RBM19: variants seen among roughly 807,000 people sequenced by gnomAD.
The protein encoded by RBM19 is RNA binding motif protein 19.
RBM19 carries 94 observed loss-of-function variants against 116.8 expected under a neutral mutation model. The observed-to-expected ratio is 0.80, with a 90% CI of 0.68 to 0.95. The LOEUF (loss-of-function observed/expected upper bound fraction) is 0.95, where lower values mean the gene tolerates loss of function less well. Ranked by LOEUF, RBM19 falls within the 40% of genes least tolerant of loss-of-function variation. RBM19 has a pLI of 0.00. For missense variants in RBM19, 1,161 were observed against 1,220.7 expected (o/e 0.95, Z 0.73); for synonymous variants, 475 against 494.1 (o/e 0.96, Z 0.51).
At chr12:113,935,306 CA>C (rs769482695) in intron 16 of RBM19, among the ~76,000 whole-genome samples, 2,848 of 130,324 alleles carry the variant, frequency 0.022, 39 homozygotes, top group African/African-American at 0.037. Context: ...CGCTTTGGGC[CA>C]AAAAAAAAAA....
chr12:113,923,157 C>G (rs1452232932), intron 18 of RBM19, among the ~76,000 whole-genome samples: 1 of 152,118 alleles, frequency 6.6e-6, no homozygotes, highest in African/African-American at 2.4e-5. Flanking sequence ...AAATTAAATG[C>G]AGTCATTAGG....
rs1195978950 is a variant in RBM19 at position 113,898,335 on chromosome 12, C to G, written c.2558+16634G>C. 6.6e-6 allele frequency among the ~76,000 whole-genome samples: 1 copy of G among 152,118 alleles called. No individual in the cohort carries two copies. Among genetic ancestry groups the G allele is most frequent in the Admixed American group, 6.5e-5 (1 of 15,274 alleles). On this transcript the variant is annotated intron_variant, in intron 21 of 23. Transcript: ENST00000261741. This position sits in a 1 kb window ranked among gnomAD's most constrained non-coding sequence, Gnocchi z 4.3. ...TAGAACCGTGAAGAGATTTCAGTGCCTGTACTGGACTTCAGGGACAGGCAA... is the reference window on the plus strand; with the variant it reads ...TAGAACCGTGAAGAGATTTCAGTGCGTGTACTGGACTTCAGGGACAGGCAA...
intron 1 of RBM19, 30 bp downstream of exon 1, chr12:113,966,162 C>G: frequency 6.2e-7 from 1 of 1,614,222 alleles, no homozygotes; most frequent in Non-Finnish European, 8.5e-7. Context: ...GGTCTCATTT[C>G]AGATTCCCAA....
rs751289061 is a variant in RBM19 at position 113,947,457 on chromosome 12, CAG to C, written c.1282_1283del (p.Leu428ValfsTer2). 3 of 1,600,612 alleles carry C rather than the reference CAG, an allele frequency of 1.9e-6. No homozygotes were observed. The highest frequency in any genetic ancestry group is 2.6e-6 in the Non-Finnish European group (3 of 1,169,114). ...LEKLFSKYGP[L>X]SELHYPIDSL... ...TGTCGATGGGGTAGTGGAGCTCAGA[CAG>C]GGGACCTGAGGACAGGAGAAGTGTC... On this transcript the variant is annotated frameshift_variant, in exon 11 of 24. Transcript: ENST00000261741. LOFTEE classifies it high-confidence loss of function.
Position 113,955,117 on chromosome 12 carries a change from C to T in RBM19, c.921+14G>A. 9 of 1,613,598 alleles carry T rather than the reference C, an allele frequency of 5.6e-6. No individual in the cohort carries two copies. The highest frequency in any genetic ancestry group is 7.6e-6 in the Non-Finnish European group (9 of 1,179,726). On this transcript the variant is annotated intron_variant, in intron 7 of 23. Coordinates refer to ENST00000261741, the MANE Select transcript of RBM19 (RefSeq NM_016196.4). Reference sequence around the variant, plus strand: ...CCCGCAGGCTGCCGACCCTTGTCCTCAGTTAGCACATACCTCTGTGACATT... The same window carrying T: ...CCCGCAGGCTGCCGACCCTTGTCCTTAGTTAGCACATACCTCTGTGACATT...
At chr12:113,877,629 T>C (rs1358880368) in intron 21 of RBM19, among the ~76,000 whole-genome samples, 1 of 152,154 alleles carries the variant, frequency 6.6e-6, no homozygotes, top group African/African-American at 2.4e-5. Context: ...AAAAAGGAAG[T>C]GCTGAAGGGA....
rs1452163033 is a variant in RBM19 at position 113,949,050 on chromosome 12, G to C, written c.1073-14C>G. 2 of 1,606,376 alleles carry C rather than the reference G, an allele frequency of 1.2e-6. No individual in the cohort carries two copies. The highest frequency in any genetic ancestry group is 2.7e-5 in the African/African-American group (2 of 74,722). On this transcript the variant is annotated splice_polypyrimidine_tract_variant and intron_variant, in intron 9 of 23. Coordinates refer to ENST00000261741, the MANE Select transcript of RBM19 (RefSeq NM_016196.4). ...TGTAGCGCCCACCTGCAATGAAGAG[G>C]AGTCAGGGCTCCAGGGGGAGGCCTA... is the stretch of plus-strand genomic sequence containing the variant.
At chr12:113,954,667 G>A (rs1274166277) in intron 7 of RBM19, among the ~76,000 whole-genome samples, 1 of 152,190 alleles carries the variant, frequency 6.6e-6, no homozygotes, top group Non-Finnish European at 1.5e-5. Flanking sequence ...GTGTTCTTCT[G>A]CTGTTACAGA....
At chr12:113,945,764 T>G in intron 13 of RBM19, 64 bp downstream of exon 13, 1 of 1,373,840 alleles carries the variant, frequency 7.3e-7, no homozygotes, top group South Asian at 1.2e-5. Flanking sequence ...ACAACGAGCC[T>G]CCTGCTCTTT....
chr12:113,877,996 C>T (rs1039229069), intron 21 of RBM19, among the ~76,000 whole-genome samples: 2 of 152,214 alleles, frequency 1.3e-5, no homozygotes, highest in African/African-American at 2.4e-5. Context: ...GGGGTAAATA[C>T]AATTTTACTA....
intron 21 of RBM19, among the ~76,000 whole-genome samples, chr12:113,881,532 G>A (rs1880129659): frequency 6.6e-6 from 1 of 152,164 alleles, no homozygotes; most frequent in Non-Finnish European, 1.5e-5. Flanking sequence ...GTCTTCCTCT[G>A]GCCACTAGTT....
rs377476720 is a variant in RBM19 at position 113,861,726 on chromosome 12, C to T, written c.2559-2830G>A. ...AGAGAAAAACGCTGTTGAGGAGAGG[C>T]TACAGAAGACATGCTTTTGTGGCCT... is the stretch of plus-strand genomic sequence containing the variant. On this transcript the variant is annotated intron_variant, in intron 21 of 23. Coordinates refer to ENST00000261741, the MANE Select transcript of RBM19 (RefSeq NM_016196.4). Among the ~76,000 whole-genome samples, 11 of 152,164 alleles carry T rather than the reference C, an allele frequency of 7.2e-5. No individual in the cohort carries two copies. The South Asian group carries it at 1.2e-3, about 17-fold the overall frequency.
chr12:113,946,636 C>T (rs1871048115), intron 11 of RBM19, among the ~76,000 whole-genome samples, 161 bp from the exon 12 acceptor site: 1 of 152,180 alleles, frequency 6.6e-6, no homozygotes, highest in Admixed American at 6.5e-5. Context: ...CACTCTCTTC[C>T]CACCTGACAC....
At chr12:113,862,327 C>G (rs774987338) in intron 21 of RBM19, among the ~76,000 whole-genome samples, 1 of 152,132 alleles carries the variant, frequency 6.6e-6, no homozygotes, top group Non-Finnish European at 1.5e-5. Flanking sequence ...CTTTCTCATC[C>G]GGGCTGCTTC....
chr12:113,961,677 C>T (rs919345300), intron 2 of RBM19, among the ~76,000 whole-genome samples: 8 of 152,240 alleles, frequency 5.3e-5, no homozygotes, highest in African/African-American at 1.9e-4. Flanking sequence ...GTGGAGCCCA[C>T]TCCTCCAGGA....
intron 13 of RBM19, among the ~76,000 whole-genome samples, chr12:113,944,254 C>A (rs1361743279): frequency 6.6e-6 from 1 of 151,708 alleles, no homozygotes; most frequent in African/African-American, 2.4e-5. Context: ...TGCACCACCA[C>A]ACAAGGCTAA....
chr12:113,859,587 G>A (rs1878198685), intron 21 of RBM19, among the ~76,000 whole-genome samples: 1 of 152,060 alleles, frequency 6.6e-6, no homozygotes, highest in Non-Finnish European at 1.5e-5. Context: ...TGGTAACCAC[G>A]GCCTTGGACC....
At chr12:113,956,514 G>A (rs1323976582) in intron 6 of RBM19, among the ~76,000 whole-genome samples, 1 of 147,242 alleles carries the variant, frequency 6.8e-6, no homozygotes, top group Non-Finnish European at 1.5e-5. Flanking sequence ...CCGGGAGGCA[G>A]AGGCTGCAGT....
At chr12:113,858,318 A>G (rs1328323269) in intron 22 of RBM19, among the ~76,000 whole-genome samples, 2 of 152,248 alleles carry the variant, frequency 1.3e-5, no homozygotes, top group African/African-American at 4.8e-5. Context: ...ACAGATAACC[A>G]GCACAAAACA....
Sources: allele counts gnomAD v4.1 joint callset (sites outside exome capture counted in the v4.1 genomes callset), GRCh38; gene constraint gnomAD v4.1.1; non-coding constraint Gnocchi (gnomAD v3.1); transcripts MANE v1.5; gene names NCBI Gene and HGNC (gene_info 2026-07-23, HGNC 2026-07-21).